IRF3: variants seen among roughly 807,000 people sequenced by gnomAD.
IRF3 encodes the protein interferon regulatory factor 3.
A neutral mutation model predicts 43.2 loss-of-function variants in IRF3; 29 were observed. The ratio of observed to expected loss-of-function variants is 0.67; its 90% confidence interval spans 0.50 to 0.91. The LOEUF is 0.91. Ranked by LOEUF, IRF3 falls within the 40% of genes least tolerant of loss-of-function variation. The pLI, the probability that IRF3 is intolerant of heterozygous loss-of-function variation, is 0.00. For synonymous variants in IRF3, 228 were observed against 233.9 expected, an observed-to-expected ratio of 0.97 and a Z score of 0.23; for missense variants, 505 against 559.1, an observed-to-expected ratio of 0.90 and a Z score of 0.98.
chr19:49,664,583 C>T, intron 2 of IRF3, 91 bp downstream of exon 2: 1 of 1,610,210 alleles, frequency 6.2e-7, no homozygotes. Flanking sequence ...CCCTCGCGCG[C>T]CACCTCCGCC....
chr19:49,661,938 T>A lies in IRF3; in HGVS notation c.982+10A>T. 1 of 1,598,320 alleles carries A rather than the reference T, an allele frequency of 6.3e-7. No homozygotes were observed. Among genetic ancestry groups the A allele is most frequent in the South Asian group, 1.1e-5 (1 of 88,968 alleles). On this transcript the variant is annotated intron_variant, in intron 6 of 7. Transcript: ENST00000377139. ...TGTACTGGCCAGGTCGAAGCCCCTG[T>A]CTCACTCACCTACAATGAAGGGCCC...
intron 2 of IRF3, 54 bp downstream of exon 2, chr19:49,664,620 T>C: frequency 6.3e-7 from 1 of 1,582,126 alleles, no homozygotes; most frequent in Non-Finnish European, 8.6e-7. Context: ...CTAGGAGTCC[T>C]TTCCGCCCAG....
rs1176166934 is a variant in IRF3, at chr19:49,662,508, C to A, written c.518G>T (p.Ser173Ile). 15 of 1,561,180 alleles carry A rather than the reference C, an allele frequency of 9.6e-6. No homozygotes were observed. The highest frequency in any genetic ancestry group is 1.3e-5 in the Non-Finnish European group (15 of 1,156,444). The change falls in exon 5 of 8, where the codon AGC (serine) becomes ATC (isoleucine). Residue 173 changes from serine (S) to isoleucine (I), a missense_variant. Ser to Ile is a moderately radical substitution (Grantham distance 142). Coordinates refer to ENST00000377139, the MANE Select transcript of IRF3 (RefSeq NM_001571.6). The part of the protein sequence containing the change: ...APEPCPQPLR[S>I]PSLDNPTPFP... ...GGGAGTGGGATTGTCCAAGCTGGGG[C>A]TCCGCAGGGGCTGAGGGCAGGGCTC...
chr19:49,660,373 TGAGG>T (rs1233301108), intron 7 of IRF3, among the ~76,000 whole-genome samples: 2 of 152,104 alleles, frequency 1.3e-5, no homozygotes, highest in Non-Finnish European at 2.9e-5. Context: ...ACTGCGCACG[TGAGG>T]GATCGGCTGC....
chr19:49,659,828 C>A lies in IRF3; in HGVS notation c.1104G>T (p.Val368=). 6.3e-7 allele frequency: 1 copy of A among 1,583,118 alleles called. No individual in the cohort carries two copies. ...WTKRLVMVKV[V]PTCLRALVEM... ...CTACCAAGGCCCTGAGGCACGTGGG[C>A]ACAACCTGCAGGGGAAGTGGGGACA... Residue 368 remains valine, a synonymous_variant, in exon 8 of 8, where the codon GTG becomes GTT. Transcript: ENST00000377139.
intron 7 of IRF3, 151 bp from the exon 8 acceptor site, chr19:49,659,984 T>TACACACACACACATATACACAC (rs1421545567): frequency 1.5e-5 from 5 of 323,968 alleles, no homozygotes; most frequent in African/African-American, 3.9e-5. Context: ...GTTGTAGTTT[T>TACACACACACACATATACACAC]ACACACACAC....
At chr19:49,665,603 A>C in intron 1 of IRF3, 28 bp downstream of exon 1, 2 of 573,948 alleles carry the variant, frequency 3.5e-6, no homozygotes, top group South Asian at 4.5e-5. Flanking sequence ...GGACGCCACC[A>C]ACGCTCTCCC....
In IRF3 at chr19:49,661,755, A is replaced by G. The variant is rs544917945; in HGVS notation, c.982+193T>C. 5 of 624,490 alleles carry G rather than the reference A, an allele frequency of 8.0e-6. No individual in the cohort carries two copies. The East Asian group carries it at 1.1e-4, about 14-fold the overall frequency. The allele number at this position is 624,490 out of a possible 1,614,324, so 38.7% of individuals were successfully genotyped here. On this transcript the variant is annotated intron_variant, in intron 6 of 7. Coordinates refer to ENST00000377139, the MANE Select transcript of IRF3 (RefSeq NM_001571.6). ...CCACCACGCCCGACTATTTTTTTGTATCTTTAGTAGAGATGGGGTTTCACT... is the reference window on the plus strand; with the variant it reads ...CCACCACGCCCGACTATTTTTTTGTGTCTTTAGTAGAGATGGGGTTTCACT...
At position 49,660,028 on chromosome 19, in the gene IRF3, C is replaced by CACACACACACACACACACACACACA. The variant is rs1555753000; in HGVS notation, c.1099-196_1099-195insTGTGTGTGTGTGTGTGTGTGTGTGT. On this transcript the variant is annotated intron_variant, in intron 7 of 7. Coordinates refer to ENST00000377139, the MANE Select transcript of IRF3 (RefSeq NM_001571.6). The stretch of plus-strand genomic sequence containing the variant: ...ACACACACACACACACACACACACA[C>CACACACACACACACACACACACACA]CCCCTGCTGTAACTGAACCATAGGC... Among the ~76,000 whole-genome samples, 859 of 109,734 alleles carry CACACACACACACACACACACACACA rather than the reference C, an allele frequency of 7.8e-3. 50 individuals are homozygous for CACACACACACACACACACACACACA. The highest frequency in any genetic ancestry group is 0.014 in the South Asian group (43 of 3,162). The allele number at this position is 109,734 out of a possible 152,430, so 72.0% of individuals were successfully genotyped here. A position where few individuals can be genotyped will look rare whatever the true frequency, so the allele number is the denominator to read the frequency against.
In IRF3 at chr19:49,665,654, C is replaced by T. The variant is rs569536180; in HGVS notation, c.-32G>A. On this transcript the variant is annotated 5_prime_UTR_variant, in exon 1 of 8. Transcript: ENST00000377139. The stretch of plus-strand genomic sequence containing the variant: ...ACCTACGATGGAAGGTCGGGGCGTG[C>T]GGGCAGCTGGAACCCACCCCTGTCT... 46 of 830,212 alleles carry T rather than the reference C, an allele frequency of 5.5e-5. No individual in the cohort carries two copies. In the East Asian group the frequency reaches 1.0e-3, roughly 19 times the overall value. 51.4% of individuals were successfully genotyped at this position (830,212 alleles called of 1,614,324 possible). A position where few individuals can be genotyped will look rare whatever the true frequency, so the allele number is the denominator to read the frequency against.
At chr19:49,664,331 G>A in intron 2 of IRF3, 1 of 757,016 alleles carries the variant, frequency 1.3e-6, no homozygotes, top group Non-Finnish European at 2.0e-6. Context: ...TGGGGCTCCA[G>A]GCCTCACCTC....
chr19:49,660,859 G>A (rs746386656), intron 6 of IRF3, 31 bp from the exon 7 acceptor site: 22 of 1,565,780 alleles, frequency 1.4e-5, no homozygotes, highest in Middle Eastern at 1.7e-4. Flanking sequence ...TCAGGGATGA[G>A]AAGAGGACCC....
chr19:49,664,969 G>T, intron 1 of IRF3, 123 bp from the exon 2 acceptor site: 1 of 1,080,480 alleles, frequency 9.3e-7, no homozygotes, highest in Non-Finnish European at 1.3e-6. Flanking sequence ...ATATTTTCGG[G>T]GGTACAAACA....
chr19:49,663,088 G>T, intron 4 of IRF3, 100 bp downstream of exon 4: 1 of 1,065,686 alleles, frequency 9.4e-7, no homozygotes, highest in Non-Finnish European at 1.5e-6. Flanking sequence ...TGAGGGGCAG[G>T]CTGGAGGCAG....
At chr19:49,662,809 C>A (rs112882682) in intron 4 of IRF3, among the ~76,000 whole-genome samples, 192 bp from the exon 5 acceptor site, 5 of 152,196 alleles carry the variant, frequency 3.3e-5, no homozygotes, top group African/African-American at 9.7e-5. Context: ...CAGGTGCTAC[C>A]ATTCCAACCC....
Position 49,660,027 on chromosome 19 carries a change from A to ACACACACACACAC in IRF3, c.1099-195_1099-194insGTGTGTGTGTGTG, listed in dbSNP as rs57168131. ...CACACACACACACACACACACACACACCCCCTGCTGTAACTGAACCATAGG... is the reference window on the plus strand; with the variant it reads ...CACACACACACACACACACACACACACACACACACACACCCCCCTGCTGTAACTGAACCATAGG... On this transcript the variant is annotated intron_variant, in intron 7 of 7. Transcript: ENST00000377139. Among the ~76,000 whole-genome samples, 61 of 74,750 alleles carry ACACACACACACAC rather than the reference A, an allele frequency of 8.2e-4. 7 individuals carry two copies. The highest frequency in any genetic ancestry group is 0.014 in the Middle Eastern group (2 of 140). 49.0% of individuals were successfully genotyped at this position (74,750 alleles called of 152,430 possible).
In IRF3 at chr19:49,663,254, A is replaced by G. The variant is rs113448877; in HGVS notation, c.342T>C (p.Val114=). The change falls in exon 4 of 8, where the codon GTT becomes GTC. Residue 114 remains valine (V), a synonymous_variant. Coordinates refer to ENST00000377139, the MANE Select transcript of IRF3 (RefSeq NM_001571.6). ...HKIYEFVNSG[V]GDFSQPDTSP... ...AGGTGTCTGGCTGGGAAAAGTCCCC[A>G]ACTCCTGTTGAGAAAAGTGGTGAGG... The G allele has an allele frequency of 1.1e-5, 17 of 1,614,012 alleles. No homozygotes were observed. In the African/African-American group the frequency reaches 1.2e-4, roughly 11 times the overall value.
chr19:49,663,352 C>T lies in IRF3; in HGVS notation c.328G>A (p.Val110Met). 1 of 1,614,234 alleles carries T rather than the reference C, an allele frequency of 6.2e-7. No individual in the cohort carries two copies. Among genetic ancestry groups the T allele is most frequent in the Non-Finnish European group, 8.5e-7 (1 of 1,180,034 alleles). The change falls in exon 3 of 8, where the codon GTG becomes ATG. Residue 110 changes from valine (V) to methionine (M), a missense_variant. Transcript: ENST00000377139. ...CCCCAAGCTGGCAGACCTGAGTTCA[C>T]AAACTCGTAGATTTTATGTGGGTCG... is the stretch of plus-strand genomic sequence containing the variant. ...PHDPHKIYEF[V>M]NSGVGDFSQP...
intron 4 of IRF3, 95 bp downstream of exon 4, chr19:49,663,093 A>AG (rs2081416992): frequency 1.8e-6 from 2 of 1,097,816 alleles, no homozygotes; most frequent in Non-Finnish European, 2.8e-6. Context: ...GGCAGGCTGG[A>AG]GGCAGGGGAG....
Sources: gnomAD v4.1 joint callset for allele counts (sites outside exome capture counted in the v4.1 genomes callset) on GRCh38, gnomAD v4.1.1 for gene constraint, MANE v1.5 for transcripts, NCBI Gene and HGNC (gene_info 2026-07-23, HGNC 2026-07-21) for gene names.